Variants in USP30 observed in about 807,000 individuals in gnomAD.
The protein encoded by USP30 is ubiquitin specific peptidase 30.
Under a neutral mutation model 68.2 loss-of-function variants are expected in USP30, and 41 were observed. The ratio of observed to expected loss-of-function variants is 0.60; its 90% confidence interval spans 0.47 to 0.78. The LOEUF (loss-of-function observed/expected upper bound fraction) is 0.78. Ranked by LOEUF, USP30 falls within the 30% of genes least tolerant of loss-of-function variation. USP30 has a pLI of 0.00. For synonymous variants in USP30, 229 were observed against 253.7 expected, an observed-to-expected ratio of 0.90 and a Z score of 0.93; for missense variants, 522 against 649.4, an observed-to-expected ratio of 0.80 and a Z score of 2.13.
intron 3 of USP30, 96 bp from the exon 4 acceptor site, chr12:109,067,428 A>G (rs1439198589): frequency 2.6e-6 from 3 of 1,173,200 alleles, no homozygotes; most frequent in Non-Finnish European, 3.7e-6. Flanking sequence ...GCGGTCTTTA[A>G]TTTTTAATTA....
At chr12:109,077,707 T>C (rs1351369229) in intron 7 of USP30, among the ~76,000 whole-genome samples, 2 of 152,208 alleles carry the variant, frequency 1.3e-5, no homozygotes, top group Non-Finnish European at 2.9e-5. Flanking sequence ...TTGTCTTACA[T>C]ATTTTCTTGT....
intron 3 of USP30, among the ~76,000 whole-genome samples, chr12:109,058,332 A>G (rs2040943119): frequency 6.6e-6 from 1 of 152,194 alleles, no homozygotes; most frequent in African/African-American, 2.4e-5. Context: ...GTACTTTAGG[A>G]GGCCAAGGCA....
chr12:109,051,801 C>T (rs58183883), upstream of USP30, among the ~76,000 whole-genome samples: 26,801 of 152,042 alleles, frequency 0.18, 2,457 homozygotes, highest in Middle Eastern at 0.23. Flanking sequence ...AACTCTTGAC[C>T]TCAGGTGATC....
At chr12:109,043,399 A>G (rs2040577824) in intron 3 of USP30, among the ~76,000 whole-genome samples, 1 of 152,204 alleles carries the variant, frequency 6.6e-6, no homozygotes, top group Non-Finnish European at 1.5e-5. Context: ...AGGCATATAG[A>G]CCAATGAAGC....
chr12:109,075,845 T>C (rs1255296545), intron 7 of USP30, among the ~76,000 whole-genome samples: 4 of 149,728 alleles, frequency 2.7e-5, no homozygotes, highest in Non-Finnish European at 6.0e-5. Flanking sequence ...CTTTTTCTTT[T>C]TTTTTTTTTT....
intron 4 of USP30, among the ~76,000 whole-genome samples, chr12:109,068,615 C>G (rs1352307286): frequency 6.6e-6 from 1 of 152,184 alleles, no homozygotes; most frequent in South Asian, 2.1e-4. Flanking sequence ...AATTATTTAT[C>G]TACATTTTAC....
intron 3 of USP30, among the ~76,000 whole-genome samples, chr12:109,033,495 G>T (rs1047011201): frequency 6.6e-5 from 10 of 152,156 alleles, no homozygotes; most frequent in Non-Finnish European, 1.5e-4. Flanking sequence ...GGCTTGCAGA[G>T]AATTATTAAT....
At chr12:109,059,777 TG>T (rs1263869700) in intron 3 of USP30, among the ~76,000 whole-genome samples, 1 of 152,226 alleles carries the variant, frequency 6.6e-6, no homozygotes, top group African/African-American at 2.4e-5. Flanking sequence ...CTCAAAGTGC[TG>T]GGATTACAGG....
intron 3 of USP30, among the ~76,000 whole-genome samples, chr12:109,062,758 T>G (rs923699180): frequency 2.0e-5 from 3 of 152,186 alleles, no homozygotes; most frequent in Non-Finnish European, 4.4e-5. Context: ...CAGCATATAG[T>G]TGAGTAGATT....
chr12:109,077,221 T>C (rs562372432), intron 7 of USP30, among the ~76,000 whole-genome samples: 1 of 152,368 alleles, frequency 6.6e-6, no homozygotes, highest in East Asian at 1.9e-4. Context: ...CAGGCTTTGT[T>C]ATAAGGATTA....
chr12:109,076,314 T>G (rs2041602584), intron 7 of USP30, among the ~76,000 whole-genome samples: 1 of 152,240 alleles, frequency 6.6e-6, no homozygotes, highest in Non-Finnish European at 1.5e-5. Context: ...AGAAGTTTTG[T>G]TATGTATTCC....
intron 7 of USP30, among the ~76,000 whole-genome samples, chr12:109,077,962 A>G (rs2041662144): frequency 6.6e-6 from 1 of 152,080 alleles, no homozygotes; most frequent in Non-Finnish European, 1.5e-5. Context: ...CCTTTGTGCT[A>G]TTATACATAC....
upstream of USP30, among the ~76,000 whole-genome samples, chr12:109,049,773 G>A (rs527317897): frequency 1.1e-4 from 16 of 151,976 alleles, no homozygotes; most frequent in East Asian, 2.9e-3. Flanking sequence ...CCAAGATTGC[G>A]CCACTGCACT....
chr12:109,048,519 C>A (rs112268167), upstream of USP30, among the ~76,000 whole-genome samples: 4,244 of 152,036 alleles, frequency 0.028, 90 homozygotes, highest in South Asian at 0.099. Context: ...TATCTTGATT[C>A]ACCTGAGGTC....
At position 109,081,337 on chromosome 12, in the gene USP30, C is replaced by T. The variant is rs377001562; in HGVS notation, c.724C>T (p.Pro242Ser). The T allele has an allele frequency of 2.9e-4, 467 of 1,613,908 alleles. 1 individual carries two copies. Among genetic ancestry groups the T allele is most frequent in the Non-Finnish European group, 3.3e-4 (391 of 1,180,010 alleles). The change falls in exon 8 of 13, where the codon CCT becomes TCT. Residue 242 changes from proline (P) to serine (S), a missense_variant. Coordinates refer to ENST00000257548, the MANE Select transcript of USP30 (RefSeq NM_032663.5). ...TTTTCTGCAATATTTCTTTCAGAGT[C>T]CTGTTCGATTTGATACCTTTGATAG... ...MVCKHCEHQS[P>S]VRFDTFDSLS...
upstream of USP30, chr12:109,047,604 C>T (rs1379202807): frequency 6.6e-6 from 1 of 152,164 alleles, no homozygotes; most frequent in Non-Finnish European, 1.5e-5. Context: ...GACACTAAGA[C>T]CCAGCGCTGA....
intron 7 of USP30, among the ~76,000 whole-genome samples, chr12:109,078,207 C>T (rs998469530): frequency 2.0e-5 from 3 of 152,008 alleles, no homozygotes; most frequent in Non-Finnish European, 2.9e-5. Context: ...GAGTGGATCA[C>T]GAGGTCAGGA....
intron 7 of USP30, among the ~76,000 whole-genome samples, chr12:109,076,732 C>CTTTTTTTT (rs71079520): frequency 1.6e-5 from 2 of 124,720 alleles, no homozygotes; most frequent in African/African-American, 3.1e-5. Context: ...TTGATTTTTT[C>CTTTTTTTT]TTTTTTTTTT....
At chr12:109,032,594 G>T (rs2040490257) in intron 3 of USP30, among the ~76,000 whole-genome samples, 1 of 152,160 alleles carries the variant, frequency 6.6e-6, no homozygotes, top group Non-Finnish European at 1.5e-5. Context: ...GCAACATCCA[G>T]AATAGGCAAA....
Sources: allele counts gnomAD v4.1 joint callset (sites outside exome capture counted in the v4.1 genomes callset), GRCh38; gene constraint gnomAD v4.1.1; transcripts MANE v1.5; gene names NCBI Gene and HGNC (gene_info 2026-07-23, HGNC 2026-07-21).